The following NECAB3 variants were observed in gnomAD, a reference collection of about 807,000 sequenced individuals.
NECAB3 encodes N-terminal EF-hand calcium-binding protein 3.
NECAB3 carries 38 observed loss-of-function variants against 57.2 expected under a neutral mutation model. The ratio of observed to expected loss-of-function variants is 0.66; its 90% CI spans 0.51 to 0.87. The LOEUF (loss-of-function observed/expected upper bound fraction) is 0.87, where lower values mean the gene tolerates loss of function less well. NECAB3 is among the 40% of genes least tolerant of loss of function. NECAB3 has a pLI of 0.00. For missense variants in NECAB3, 474 were observed against 527.5 expected (o/e 0.90, Z 0.99); for synonymous variants, 223 against 222.6 (o/e 1.00, Z -0.02).
chr20:33,667,927 G>A (rs777983133), intron 5 of NECAB3: 3 of 1,560,266 alleles, frequency 1.9e-6, no homozygotes, highest in Admixed American at 1.9e-5. Flanking sequence ...GCCCGCGCTG[G>A]CCTTCCGGGC....
At chr20:33,665,236 G>A (rs960533495) in intron 5 of NECAB3, 2 of 152,368 alleles carry the variant, frequency 1.3e-5, no homozygotes, top group African/African-American at 4.8e-5. Context: ...AGCACTTTGG[G>A]AGGCTGAGGC....
At position 33,669,448 on chromosome 20, in the gene NECAB3, A is replaced by ACAC; in HGVS notation, c.311_313dup (p.Gly104dup). ...CAATGCAGCCAGCACCGGCCGGTAG[A>ACAC]CACCCAGGTGCTCTGAGAAGTAGTC... On this transcript the variant is annotated inframe_insertion, in exon 5 of 12. Coordinates refer to ENST00000246190, the MANE Select transcript of NECAB3 (RefSeq NM_031232.4). 6.2e-7 allele frequency: 1 copy of ACAC among 1,613,744 alleles called. No individual in the cohort carries two copies. Among genetic ancestry groups the ACAC allele is most frequent in the Non-Finnish European group, 8.5e-7 (1 of 1,180,026 alleles).
Position 33,660,322 on chromosome 20 carries a change from T to C in NECAB3, c.461A>G (p.Gln154Arg). The change falls in exon 6 of 12, where the codon CAA (glutamine) becomes CGA (arginine). Residue 154 changes from glutamine to arginine, a missense_variant. Transcript: ENST00000246190. The surrounding 1 kb of genome is among the most constrained non-coding windows in gnomAD (Gnocchi z 4.1). ...FLLRETVSQLQALQSSLEGAS... is the reference protein window; with the variant it reads ...FLLRETVSQLRALQSSLEGAS... ...CCCCTCCAGCGAGCTCTGAAGGGCT[T>C]GCAGCTGGCTCACCGTCTCCCGCAG... 1 of 1,613,482 alleles carries C rather than the reference T, an allele frequency of 6.2e-7. No individual in the cohort carries two copies. Among genetic ancestry groups the C allele is most frequent in the Non-Finnish European group, 8.5e-7 (1 of 1,179,992 alleles).
chr20:33,659,770 C>T, intron 7 of NECAB3, 38 bp from the exon 8 acceptor site: 1 of 1,546,806 alleles, frequency 6.5e-7, no homozygotes, highest in South Asian at 1.2e-5. Context: ...GCAGGGGCCT[C>T]TCAGGTCCCG....
In NECAB3 at chr20:33,660,169, C is replaced by G; in HGVS notation, c.524+90G>C. 1 of 1,557,704 alleles carries G rather than the reference C, an allele frequency of 6.4e-7. No homozygotes were observed. The highest frequency in any genetic ancestry group is 8.7e-7 in the Non-Finnish European group (1 of 1,149,970). On this transcript the variant is annotated intron_variant, in intron 6 of 11. Coordinates refer to ENST00000246190, the MANE Select transcript of NECAB3 (RefSeq NM_031232.4). This position sits in a 1 kb window ranked among gnomAD's most constrained non-coding sequence, Gnocchi z 4.1. The stretch of plus-strand genomic sequence containing the variant: ...TGGCTTCCCCGCCCGAAAATGCAGG[C>G]TCCAGGATGCTGGGACTGTGGGGAT...
Position 33,659,902 on chromosome 20 carries a change from G to T in NECAB3, c.626C>A (p.Pro209His), listed in dbSNP as rs1350284203. 3.9e-6 allele frequency: 6 copies of T among 1,546,766 alleles called. No homozygotes were observed. The South Asian group carries it at 4.8e-5, about 12-fold the overall frequency. ...AGGCGCACCTGTGTCAGAAGAGCCG[G>T]GGGACCAGGTGGATGACCGGCTGAC... Reference protein sequence around the residue: ...RSVSRSSTWSPGSSDTGRSSE... With the variant: ...RSVSRSSTWSHGSSDTGRSSE... Residue 209 changes from proline to histidine, a missense_variant, in exon 7 of 12, where the codon CCC becomes CAC. By Grantham distance (77) the Pro-to-His change is moderately conservative. Transcript: ENST00000246190.
intron 5 of NECAB3, chr20:33,667,680 G>C: frequency 6.2e-7 from 1 of 1,611,930 alleles, no homozygotes. Flanking sequence ...ATCTGCTGGT[G>C]GCGGCGAACC....
Position 33,669,227 on chromosome 20 carries a change from T to A in NECAB3, c.387+148A>T, listed in dbSNP as rs974297887. Reference sequence around the variant, plus strand: ...AGATGAGGAAACAGGCCCAGAGAGGTCAAGGGGCACAGCTACAAAGTGGGA... The same window carrying A: ...AGATGAGGAAACAGGCCCAGAGAGGACAAGGGGCACAGCTACAAAGTGGGA... On this transcript the variant is annotated intron_variant, in intron 5 of 11. Coordinates refer to ENST00000246190, the MANE Select transcript of NECAB3 (RefSeq NM_031232.4). 10 of 709,210 alleles carry A rather than the reference T, an allele frequency of 1.4e-5. No homozygotes were observed. The African/African-American group carries it at 1.6e-4, about 11-fold the overall frequency. The allele number at this position is 709,210 out of a possible 1,614,324, so 43.9% of individuals were successfully genotyped here.
intron 5 of NECAB3, chr20:33,667,902 G>A (rs1601169786): frequency 1.3e-6 from 2 of 1,578,938 alleles, no homozygotes; most frequent in Non-Finnish European, 1.7e-6. Flanking sequence ...TGCTGGGCCA[G>A]GCTGAGCAGG....
Position 33,674,328 on chromosome 20 carries a change from C to T in NECAB3, c.25G>A (p.Val9Met), listed in dbSNP as rs924640376. 2.5e-6 allele frequency: 3 copies of T among 1,211,082 alleles called. No individual in the cohort carries two copies. The Admixed American group carries it at 1.3e-4, about 53-fold the overall frequency. 75.0% of individuals were successfully genotyped at this position (1,211,082 alleles called of 1,614,324 possible). MACAGLLT[V>M]CLLRPPAPQP... is the part of the protein sequence containing the mutation. ...GGCGCGGGCGGCCGGAGCAGGCACACGGTGAGCAGCCCCGCGCACGCCATG... is the reference window on the plus strand; with the variant it reads ...GGCGCGGGCGGCCGGAGCAGGCACATGGTGAGCAGCCCCGCGCACGCCATG... The change falls in exon 1 of 12, where the codon GTG becomes ATG. Residue 9 changes from valine (V) to methionine (M), a missense_variant. Val to Met is a conservative substitution (Grantham distance 21). Coordinates refer to ENST00000246190, the MANE Select transcript of NECAB3 (RefSeq NM_031232.4).
chr20:33,662,222 T>C, intron 5 of NECAB3: 1 of 1,328,784 alleles, frequency 7.5e-7, no homozygotes, highest in Non-Finnish European at 1.0e-6. Context: ...CTGTGGGCCC[T>C]GGAAGGCGGT....
chr20:33,666,694 C>G (rs2017662324), intron 5 of NECAB3: 1 of 152,366 alleles, frequency 6.6e-6, no homozygotes, highest in Non-Finnish European at 1.5e-5. Flanking sequence ...CGGGGCGGAA[C>G]AGCAAAGCAG....
chr20:33,657,532 C>T lies in NECAB3; in HGVS notation c.*297G>A. ...CCCACCCAGACAGGGACGGGACCTG[C>T]CCTGGGTCGCTCAGCCAGGCAGGGA... On this transcript the variant is annotated 3_prime_UTR_variant, in exon 12 of 12. Coordinates refer to ENST00000246190, the MANE Select transcript of NECAB3 (RefSeq NM_031232.4). The T allele has an allele frequency of 2.6e-6, 1 of 382,032 alleles. No homozygotes were observed. Among genetic ancestry groups the T allele is most frequent in the Middle Eastern group, 6.3e-4 (1 of 1,586 alleles). 23.7% of individuals were successfully genotyped at this position (382,032 alleles called of 1,614,324 possible).
At chr20:33,674,122 A>T (rs950698911) in intron 1 of NECAB3, 102 bp downstream of exon 1, 1 of 1,154,622 alleles carries the variant, frequency 8.7e-7, no homozygotes, top group African/African-American at 1.6e-5. Flanking sequence ...GAGAGAGGGG[A>T]AGAGACCCAG....
intron 5 of NECAB3, 117 bp downstream of exon 5, chr20:33,669,258 G>T: frequency 9.6e-7 from 1 of 1,044,136 alleles, no homozygotes; most frequent in Non-Finnish European, 1.4e-6. Context: ...TGGGAGCCAG[G>T]ATTTGAACCC....
chr20:33,667,598 C>G (rs770199004), intron 5 of NECAB3: 1 of 1,580,902 alleles, frequency 6.3e-7, no homozygotes, highest in Non-Finnish European at 8.6e-7. Flanking sequence ...CCCATCTACG[C>G]GGGTCACTCG....
chr20:33,657,862 G>A lies in NECAB3; in HGVS notation c.1163-5C>T, dbSNP rs374364835. 8 of 1,544,120 alleles carry A rather than the reference G, an allele frequency of 5.2e-6. No individual in the cohort carries two copies. The highest frequency in any genetic ancestry group is 7.0e-6 in the Non-Finnish European group (8 of 1,142,606). On this transcript the variant is annotated splice_polypyrimidine_tract_variant and splice_region_variant and intron_variant, in intron 11 of 11. Transcript: ENST00000246190. ...TATTCATTATCCACCAGGAGGCTGG[G>A]GGTCAGAGGCAGGGGGTCAGGAGCC...
chr20:33,658,536 C>T lies in NECAB3; in HGVS notation c.1011G>A (p.Met337Ile), dbSNP rs769084555. 6.2e-7 allele frequency: 1 copy of T among 1,614,106 alleles called. No individual in the cohort carries two copies. The change falls in exon 10 of 12, where the codon ATG becomes ATA. Residue 337 changes from methionine to isoleucine, a missense_variant. Transcript: ENST00000246190. ...SHCLHVSAQK[M>I]LDGASFTLYE... is the part of the protein sequence containing the mutation. ...ACAGGGTGAAGGAGGCACCGTCCAGCATCTTCTGGGCGGACACACTGTAGG... is the reference window on the plus strand; with the variant it reads ...ACAGGGTGAAGGAGGCACCGTCCAGTATCTTCTGGGCGGACACACTGTAGG...
rs773264107 is a variant in NECAB3 at position 33,660,370 on chromosome 20, T to C, written c.413A>G (p.Asp138Gly). The C allele has an allele frequency of 1.2e-6, 2 of 1,613,646 alleles. No individual in the cohort carries two copies. The highest frequency in any genetic ancestry group is 1.7e-6 in the Non-Finnish European group (2 of 1,179,958). Residue 138 changes from aspartate (D) to glycine (G), a missense_variant, in exon 6 of 12, where the codon GAC becomes GGC. By Grantham distance (94) the Asp-to-Gly change is moderately conservative. Transcript: ENST00000246190. This position sits in a 1 kb window ranked among gnomAD's most constrained non-coding sequence, Gnocchi z 4.1. The part of the protein sequence containing the change: ...KLEYERASKV[D>G]QFVTRFLLRE... Reference sequence around the variant, plus strand: ...CAGCAGGAAGCGCGTCACAAACTGGTCCACTTTGGAGGCCCTCTCGTACTC... The same window carrying C: ...CAGCAGGAAGCGCGTCACAAACTGGCCCACTTTGGAGGCCCTCTCGTACTC...
Sources: gnomAD v4.1 joint callset for allele counts on GRCh38, gnomAD v4.1.1 for gene constraint, Gnocchi (gnomAD v3.1) non-coding constraint, MANE v1.5 for transcripts, NCBI Gene and HGNC (gene_info 2026-07-23, HGNC 2026-07-21) for gene names.